The following SHC1 variants were observed in gnomAD, a reference collection of about 807,000 sequenced individuals.
The protein encoded by SHC1 is SHC-transforming protein 1.
Under a neutral mutation model 55.9 loss-of-function variants are expected in SHC1, and 30 were observed. The observed-to-expected ratio is 0.54, with a 90% CI of 0.40 to 0.73. The LOEUF is 0.73. Ranked by LOEUF, SHC1 falls within the 30% of genes least tolerant of loss-of-function variation. The pLI, the probability that SHC1 is intolerant of heterozygous loss-of-function variation, is 0.00. For synonymous variants in SHC1, 309 were observed against 306.1 expected, an observed-to-expected ratio of 1.01 and a Z score of -0.10; for missense variants, 675 against 777.1, an observed-to-expected ratio of 0.87 and a Z score of 1.56.
Position 154,963,529 on chromosome 1 carries a change from A to G in SHC1, c.*274T>C. ...ATGACAAGCACTCACCTTCTTGGGG[A>G]AGGGGCATCAGGTTGGCACAGGAAA... On this transcript the variant is annotated 3_prime_UTR_variant, in exon 12 of 12. Coordinates refer to ENST00000448116, the MANE Select transcript of SHC1 (RefSeq NM_001130040.2). 1 of 346,514 alleles carries G rather than the reference A, an allele frequency of 2.9e-6. No individual in the cohort carries two copies. Among genetic ancestry groups the G allele is most frequent in the Non-Finnish European group, 5.4e-6 (1 of 183,942 alleles). The allele number at this position is 346,514 out of a possible 1,614,324, so 21.5% of individuals were successfully genotyped here. A position where few individuals can be genotyped will look rare whatever the true frequency, so the allele number is the denominator to read the frequency against.
chr1:154,973,856 G>A (rs1410737899), upstream of SHC1, among the ~76,000 whole-genome samples: 1 of 152,198 alleles, frequency 6.6e-6, no homozygotes, highest in Non-Finnish European at 1.5e-5. Context: ...GCTTCGGAGG[G>A]GCGGAGCTTC....
At position 154,970,614 on chromosome 1, in the gene SHC1, T is replaced by A. The variant is rs1388011346; in HGVS notation, c.-88A>T. ...CAGGCAGGGGGTATCCCCAGGCCCT[T>A]AGCCTGGTTGGACCTCTGTGGCCCA... On this transcript the variant is annotated 5_prime_UTR_variant, in exon 1 of 12. Transcript: ENST00000448116. The surrounding 1 kb of genome is among the most constrained non-coding windows in gnomAD (Gnocchi z 5.5). 4.6e-6 allele frequency: 4 copies of A among 873,656 alleles called. No homozygotes were observed. Among genetic ancestry groups the A allele is most frequent in the Non-Finnish European group, 5.4e-6 (3 of 558,408 alleles). The allele number at this position is 873,656 out of a possible 1,614,324, so 54.1% of individuals were successfully genotyped here. A position where few individuals can be genotyped will look rare whatever the true frequency, so the allele number is the denominator to read the frequency against.
At position 154,963,024 on chromosome 1, in the gene SHC1, T is replaced by C. The variant is rs887313118; in HGVS notation, c.*779A>G. 2 of 152,788 alleles carry C rather than the reference T, an allele frequency of 1.3e-5. No homozygotes were observed. The highest frequency in any genetic ancestry group is 4.8e-5 in the African/African-American group (2 of 41,440). 9.5% of individuals were successfully genotyped at this position (152,788 alleles called of 1,614,324 possible). A position where few individuals can be genotyped will look rare whatever the true frequency, so the allele number is the denominator to read the frequency against. ...GGCTTCAGGAGGAAGGGCTGCACTT[T>C]GGCGTAGAGTACATAGGCATGCAAC... On this transcript the variant is annotated 3_prime_UTR_variant, in exon 12 of 12. Transcript: ENST00000448116.
At chr1:154,969,333 C>A (rs1656434664) in intron 2 of SHC1, 45 bp downstream of exon 2, 1 of 1,364,306 alleles carries the variant, frequency 7.3e-7, no homozygotes, top group Non-Finnish European at 1.0e-6. Flanking sequence ...TTCCCATGGC[C>A]TCACTAATCC....
upstream of SHC1, among the ~76,000 whole-genome samples, chr1:154,972,759 AG>A (rs1656863719): frequency 6.6e-6 from 1 of 152,072 alleles, no homozygotes; most frequent in Non-Finnish European, 1.5e-5. Flanking sequence ...AACTGGGAGG[AG>A]GGGACAGGGG....
chr1:154,969,883 C>A, intron 1 of SHC1, 149 bp downstream of exon 1: 1 of 892,784 alleles, frequency 1.1e-6, no homozygotes, highest in Non-Finnish European at 1.8e-6. Context: ...GCTACAGAAT[C>A]GGGGAAGGGA....
In SHC1 at chr1:154,963,653, C is replaced by A; in HGVS notation, c.*150G>T. On this transcript the variant is annotated 3_prime_UTR_variant, in exon 12 of 12. Transcript: ENST00000448116. ...CAGGCTTTTGACTCAAACCCTCTCA[C>A]TCAGCTGGATATGAAACCCAGAGTC... is the stretch of plus-strand genomic sequence containing the variant. The A allele has an allele frequency of 1.4e-6, 1 of 725,148 alleles. No individual in the cohort carries two copies. Among genetic ancestry groups the A allele is most frequent in the Non-Finnish European group, 2.3e-6 (1 of 442,328 alleles). 44.9% of individuals were successfully genotyped at this position (725,148 alleles called of 1,614,324 possible). A position where few individuals can be genotyped will look rare whatever the true frequency, so the allele number is the denominator to read the frequency against.
At position 154,966,228 on chromosome 1, in the gene SHC1, C is replaced by T; in HGVS notation, c.1186G>A (p.Val396Ile). 2 of 1,614,064 alleles carry T rather than the reference C, an allele frequency of 1.2e-6. No homozygotes were observed. Among genetic ancestry groups the T allele is most frequent in the Non-Finnish European group, 1.7e-6 (2 of 1,179,978 alleles). The stretch of plus-strand genomic sequence containing the variant: ...GGATCTCCCCCAACAGGCTGTCCTA[C>T]AGGCTGCAGGGATAAAAATAAGGTG... ...TPSHLGATLPVGQPVGGDPEV... is the reference protein window; with the variant it reads ...TPSHLGATLPIGQPVGGDPEV... Residue 396 changes from valine (V) to isoleucine (I), a missense_variant, in exon 9 of 12, where the codon GTA (valine) becomes ATA (isoleucine). Val to Ile is a conservative substitution (Grantham distance 29). Coordinates refer to ENST00000448116, the MANE Select transcript of SHC1 (RefSeq NM_001130040.2).
chr1:154,969,206 A>G (rs917468245), intron 2 of SHC1, among the ~76,000 whole-genome samples, 172 bp downstream of exon 2: 25 of 152,204 alleles, frequency 1.6e-4, no homozygotes, highest in African/African-American at 5.8e-4. Flanking sequence ...TCCGGGCCAA[A>G]GGGGCCTCCT....
rs1465582885 is a variant in SHC1, at chr1:154,967,829, G to A, written c.857-32C>T. 3.7e-6 allele frequency: 6 copies of A among 1,611,734 alleles called. No homozygotes were observed. In the East Asian group the frequency reaches 1.3e-4, roughly 36 times the overall value. ...GCACAGCAGAGGCTGTCAGTGAGCT[G>A]AGCCCACTGGGAGGAGGCACAGACA... On this transcript the variant is annotated intron_variant, in intron 6 of 11. Coordinates refer to ENST00000448116, the MANE Select transcript of SHC1 (RefSeq NM_001130040.2).
chr1:154,967,488 G>T (rs533853826), intron 7 of SHC1, among the ~76,000 whole-genome samples, 183 bp downstream of exon 7: 1 of 152,136 alleles, frequency 6.6e-6, no homozygotes, highest in Non-Finnish European at 1.5e-5. Context: ...CTGGTCCTGC[G>T]GCAAGCAGGG....
chr1:154,973,228 G>C (rs1453438540), upstream of SHC1: 1 of 152,150 alleles, frequency 6.6e-6, no homozygotes, highest in Non-Finnish European at 1.5e-5. Flanking sequence ...GAGGAAAACG[G>C]GGACGGGCGC....
chr1:154,965,272 G>A, intron 11 of SHC1: 1 of 963,110 alleles, frequency 1.0e-6, no homozygotes, highest in Admixed American at 2.9e-5. Flanking sequence ...CCTGACCTCA[G>A]GTGATTCACC....
chr1:154,968,400 C>T (rs1001665264), intron 4 of SHC1, 95 bp downstream of exon 4: 1 of 1,569,144 alleles, frequency 6.4e-7, no homozygotes, highest in African/African-American at 1.3e-5. Context: ...TGGTCTCCTG[C>T]TCTCAAGCCC....
Position 154,968,073 on chromosome 1 carries a change from C to T in SHC1, c.805-42G>A, listed in dbSNP as rs138096624. The stretch of plus-strand genomic sequence containing the variant: ...AAAAATTTTACAGTTCTACTTTACT[C>T]CTGACCCCTAAAACCCAGTCCTTTT... On this transcript the variant is annotated intron_variant, in intron 5 of 11. Coordinates refer to ENST00000448116, the MANE Select transcript of SHC1 (RefSeq NM_001130040.2). 2,328 of 1,609,328 alleles carry T rather than the reference C, an allele frequency of 1.4e-3. 23 individuals are homozygous for T. In the African/African-American group the frequency reaches 0.027, roughly 19 times the overall value.
chr1:154,969,052 C>T (rs961958302), intron 2 of SHC1, among the ~76,000 whole-genome samples: 1 of 152,106 alleles, frequency 6.6e-6, no homozygotes, highest in African/African-American at 2.4e-5. Context: ...TATAGCCCCA[C>T]CCCCTTCCAG....
Position 154,965,545 on chromosome 1 carries a change from C to G in SHC1, c.1624G>C (p.Val542Leu), listed in dbSNP as rs145876900. ...ACCCACACCTCTGCCACACTCACCACACCCTCAGGGTCCACCAGTAGCAAA... is the reference window on the plus strand; with the variant it reads ...ACCCACACCTCTGCCACACTCACCAGACCCTCAGGGTCCACCAGTAGCAAA... The part of the protein sequence containing the change: ...KHLLLVDPEG[V>L]VRTKDHRFES... Residue 542 changes from valine to leucine, a missense_variant and splice_region_variant, in exon 11 of 12, where the codon GTG (valine) becomes CTG (leucine). Val to Leu is a conservative substitution (Grantham distance 32). Around this residue, in one of 3 missense-constraint regions of SHC1, gnomAD observed 360 missense variants for 371.1 expected, o/e 0.97. Coordinates refer to ENST00000448116, the MANE Select transcript of SHC1 (RefSeq NM_001130040.2). 5 of 1,614,216 alleles carry G rather than the reference C, an allele frequency of 3.1e-6. No homozygotes were observed. The South Asian group carries it at 5.5e-5, about 18-fold the overall frequency.
chr1:154,969,588 C>T, intron 1 of SHC1, 140 bp from the exon 2 acceptor site: 1 of 640,148 alleles, frequency 1.6e-6, no homozygotes, highest in Non-Finnish European at 2.8e-6. Context: ...TGGCTACATC[C>T]CACAACCAAG....
rs947520064 is a variant in SHC1, at chr1:154,969,458, G to C, written c.496-10C>G. ...CCACACAACCCATGTACTAAGGGGA[G>C]GGAGAAGAGGACAGCAGGTCAGCGG... On this transcript the variant is annotated splice_polypyrimidine_tract_variant and intron_variant, in intron 1 of 11. Coordinates refer to ENST00000448116, the MANE Select transcript of SHC1 (RefSeq NM_001130040.2). 6.2e-7 allele frequency: 1 copy of C among 1,603,268 alleles called. No individual in the cohort carries two copies. Among genetic ancestry groups the C allele is most frequent in the South Asian group, 1.1e-5 (1 of 90,190 alleles).
Sources: gnomAD v4.1 joint callset for allele counts (sites outside exome capture counted in the v4.1 genomes callset) on GRCh38, gnomAD v4.1.1 for gene constraint, gnomAD v4.1.1 regional missense constraint, Gnocchi (gnomAD v3.1) non-coding constraint, MANE v1.5 for transcripts, NCBI Gene and HGNC (gene_info 2026-07-23, HGNC 2026-07-21) for gene names.